The following ARHGEF7 variants were observed in gnomAD, a reference collection of about 807,000 sequenced individuals.
ARHGEF7 encodes PAK-interacting exchange factor beta.
A neutral mutation model predicts 109.8 loss-of-function variants in ARHGEF7; 33 were observed. The observed-to-expected ratio is 0.30, with a 90% CI of 0.23 to 0.40. The LOEUF (loss-of-function observed/expected upper bound fraction) is 0.40, where lower values mean the gene tolerates loss of function less well. Among genes scored for constraint, ARHGEF7 ranks in the 10% least tolerant of loss-of-function variants. ARHGEF7 has a pLI of 1.00. For synonymous variants in ARHGEF7, 458 were observed against 424.6 expected (o/e 1.08, Z -0.97); for missense variants, 938 against 1,098.5 (o/e 0.85, Z 2.07).
At chr13:111,295,137 G>A (rs1242854524) in intron 19 of ARHGEF7, 1 of 984,258 alleles carries the variant, frequency 1.0e-6, no homozygotes, top group Non-Finnish European at 1.2e-6. Flanking sequence ...TGAAGTGTTT[G>A]TTTTATATTA....
intron 8 of ARHGEF7, among the ~76,000 whole-genome samples, chr13:111,256,780 C>T (rs2090472672): frequency 6.6e-6 from 1 of 152,170 alleles, no homozygotes; most frequent in South Asian, 2.1e-4. Flanking sequence ...CGCTGTAGTT[C>T]AGGTCTTGTG....
intron 2 of ARHGEF7, among the ~76,000 whole-genome samples, chr13:111,160,362 T>C (rs1210599480): frequency 6.6e-6 from 1 of 151,918 alleles, no homozygotes. Context: ...TCCATGTGAA[T>C]TTCAGGATTG....
intron 5 of ARHGEF7, among the ~76,000 whole-genome samples, chr13:111,222,097 C>T (rs575281705): frequency 6.6e-6 from 1 of 152,226 alleles, no homozygotes; most frequent in Admixed American, 6.5e-5. Context: ...AGTTCACGGA[C>T]TCAAATGTGA....
At chr13:111,232,887 A>G (rs1401332122) in intron 5 of ARHGEF7, among the ~76,000 whole-genome samples, 1 of 152,168 alleles carries the variant, frequency 6.6e-6, no homozygotes, top group Middle Eastern at 3.2e-3. Context: ...TATATTTACC[A>G]CACTATGGAA....
intron 2 of ARHGEF7, among the ~76,000 whole-genome samples, chr13:111,180,777 T>A (rs1253790234): frequency 6.6e-6 from 1 of 152,240 alleles, no homozygotes; most frequent in Non-Finnish European, 1.5e-5. Flanking sequence ...TATAGACACC[T>A]GGAAATTTAA....
At chr13:111,116,197 C>G (rs2066763108) in intron 1 of ARHGEF7, among the ~76,000 whole-genome samples, 1 of 152,206 alleles carries the variant, frequency 6.6e-6, no homozygotes, top group African/African-American at 2.4e-5. Flanking sequence ...GAGGGCTGCG[C>G]TGTGAAACGA....
intron 17 of ARHGEF7, 68 bp downstream of exon 17, chr13:111,286,308 G>A: frequency 1.5e-6 from 2 of 1,304,994 alleles, no homozygotes; most frequent in Non-Finnish European, 2.2e-6. Context: ...GCTTTCCTGG[G>A]ATAGAGGGAG....
chr13:111,128,485 C>A (rs960213712), intron 1 of ARHGEF7, among the ~76,000 whole-genome samples: 1 of 151,570 alleles, frequency 6.6e-6, no homozygotes, highest in African/African-American at 2.4e-5. Context: ...AGAGCGAGAC[C>A]CTGTCTCAAA....
chr13:111,209,757 G>A, intron 3 of ARHGEF7, 115 bp from the exon 4 acceptor site: 4 of 1,214,224 alleles, frequency 3.3e-6, no homozygotes, highest in South Asian at 4.0e-5. Context: ...CTGCTTTGTT[G>A]TGGTCTTTTG....
At chr13:111,295,750 G>A (rs1595612706) in intron 19 of ARHGEF7, among the ~76,000 whole-genome samples, 1 of 152,218 alleles carries the variant, frequency 6.6e-6, no homozygotes, top group South Asian at 2.1e-4. Flanking sequence ...TGGCCTAGAT[G>A]ACTTTTGGAG....
At chr13:111,183,102 G>A (rs2078922648) in intron 2 of ARHGEF7, among the ~76,000 whole-genome samples, 2 of 152,202 alleles carry the variant, frequency 1.3e-5, no homozygotes, top group African/African-American at 4.8e-5. Context: ...ATTGTGAGTT[G>A]AGCATCTGGG....
In ARHGEF7 at chr13:111,274,770, G is replaced by A; in HGVS notation, c.1252G>A (p.Ala418Thr). ...TAGACAAGATATTCAAAAATCCATG[G>A]CTGCCTTCAAAAACCTTTCAGTAAG... ...TDRQDIQKSM[A>T]AFKNLSAQCQ... is the part of the protein sequence containing the mutation. The change falls in exon 11 of 22, where the codon GCT becomes ACT. Residue 418 changes from alanine to threonine, a missense_variant. This residue lies in a region of ARHGEF7 where 585 missense variants were observed against 723.6 expected (regional missense o/e 0.81). Transcript: ENST00000646102. 6.7e-7 allele frequency: 1 copy of A among 1,494,710 alleles called. No homozygotes were observed. The highest frequency in any genetic ancestry group is 8.9e-7 in the Non-Finnish European group (1 of 1,120,876). The allele number at this position is 1,494,710 out of a possible 1,614,324, so 92.6% of individuals were successfully genotyped here. A position where few individuals can be genotyped will look rare whatever the true frequency, so the allele number is the denominator to read the frequency against.
intron 3 of ARHGEF7, 123 bp from the exon 4 acceptor site, chr13:111,209,749 G>T: frequency 8.9e-7 from 1 of 1,127,836 alleles, no homozygotes; most frequent in Non-Finnish European, 1.2e-6. Flanking sequence ...TAAATGGGCT[G>T]CTTTGTTGTG....
chr13:111,152,597 A>G (rs896516279), intron 1 of ARHGEF7, among the ~76,000 whole-genome samples: 1 of 152,240 alleles, frequency 6.6e-6, no homozygotes, highest in Non-Finnish European at 1.5e-5. Flanking sequence ...TGAGCACCAT[A>G]AAATGAAACC....
chr13:111,226,137 C>G (rs989246175), intron 5 of ARHGEF7, among the ~76,000 whole-genome samples: 17 of 152,332 alleles, frequency 1.1e-4, no homozygotes, highest in Admixed American at 1.1e-3. Context: ...GAAGATCAAA[C>G]CAGCCACAAC....
chr13:111,232,657 T>C (rs903082748), intron 5 of ARHGEF7, among the ~76,000 whole-genome samples: 2 of 152,210 alleles, frequency 1.3e-5, no homozygotes, highest in African/African-American at 4.8e-5. Flanking sequence ...GGTGTGGAAG[T>C]GAAGGCGGTG....
In ARHGEF7 at chr13:111,261,366, A is replaced by C. The variant is rs143270575; in HGVS notation, c.951-6182A>C. Among the ~76,000 whole-genome samples, 111 of 152,326 alleles carry C rather than the reference A, an allele frequency of 7.3e-4. 1 individual carries two copies. In the East Asian group the frequency reaches 0.014, roughly 19 times the overall value. ...AGATTTCAAGACAAAAGCTAGAGACAAAGAAAGTCATTATATAATGATAAA... is the reference window on the plus strand; with the variant it reads ...AGATTTCAAGACAAAAGCTAGAGACCAAGAAAGTCATTATATAATGATAAA... On this transcript the variant is annotated intron_variant, in intron 8 of 21. Coordinates refer to ENST00000646102, the MANE Select transcript of ARHGEF7 (RefSeq NM_001354046.2).
chr13:111,173,190 C>T (rs2077761374), intron 2 of ARHGEF7, among the ~76,000 whole-genome samples: 1 of 152,146 alleles, frequency 6.6e-6, no homozygotes, highest in African/African-American at 2.4e-5. Flanking sequence ...CAGTTACCTC[C>T]CCCAGAGCAT....
At chr13:111,282,271 C>G (rs573455231) in intron 15 of ARHGEF7, among the ~76,000 whole-genome samples, 254 of 152,300 alleles carry the variant, frequency 1.7e-3, no homozygotes, top group Middle Eastern at 3.4e-3. Context: ...CAGTTCACAG[C>G]GCCACACAGC....
Sources: gnomAD v4.1 joint callset for allele counts (sites outside exome capture counted in the v4.1 genomes callset) on GRCh38, gnomAD v4.1.1 for gene constraint, gnomAD v4.1.1 regional missense constraint, MANE v1.5 for transcripts, NCBI Gene and HGNC (gene_info 2026-07-23, HGNC 2026-07-21) for gene names.